The following SGMS1 variants were observed in gnomAD, a reference collection of about 807,000 sequenced individuals.
SGMS1 encodes sphingomyelin synthase 1, also known as phosphatidylcholine:ceramide cholinephosphotransferase 1.
Under a neutral mutation model 46.2 loss-of-function variants are expected in SGMS1, and 13 were observed. The ratio of observed to expected loss-of-function variants is 0.28; its 90% CI spans 0.18 to 0.45. The LOEUF (loss-of-function observed/expected upper bound fraction) is 0.45, where lower values mean the gene tolerates loss of function less well. Among genes scored for constraint, SGMS1 ranks in the 20% least tolerant of loss-of-function variants. The pLI is 1.00. For synonymous variants in SGMS1, 203 were observed against 187.8 expected (o/e 1.08, Z -0.66); for missense variants, 324 against 519.9 (o/e 0.62, Z 3.66).
chr10:50,466,723 AAATT>A (rs1444618694), intron 4 of SGMS1, among the ~76,000 whole-genome samples, 163 bp downstream of exon 4: 1 of 152,186 alleles, frequency 6.6e-6, no homozygotes, highest in Non-Finnish European at 1.5e-5. Context: ...GTACATAACT[AAATT>A]AATTAAATGG....
At chr10:50,471,434 A>G (rs1837377914) in intron 3 of SGMS1, among the ~76,000 whole-genome samples, 1 of 152,208 alleles carries the variant, frequency 6.6e-6, no homozygotes, top group South Asian at 2.1e-4. Flanking sequence ...GCACAACATC[A>G]ACCAACACAA....
intron 3 of SGMS1, among the ~76,000 whole-genome samples, chr10:50,479,333 T>C (rs1355865329): frequency 6.6e-6 from 1 of 152,098 alleles, no homozygotes; most frequent in Non-Finnish European, 1.5e-5. Context: ...CAAGAATCAT[T>C]CATGCACTAA....
chr10:50,551,996 C>G (rs75284498), intron 2 of SGMS1, among the ~76,000 whole-genome samples: 1,648 of 152,280 alleles, frequency 0.011, 26 homozygotes, highest in African/African-American at 0.038. Context: ...ATCCCCTACT[C>G]TGCTATTATA....
intron 6 of SGMS1, among the ~76,000 whole-genome samples, chr10:50,413,670 T>C (rs1326212194): frequency 3.3e-5 from 5 of 152,172 alleles, no homozygotes; most frequent in Non-Finnish European, 1.5e-5. Context: ...ATCAAAAACG[T>C]GTCCAAATAT....
chr10:50,624,991 A>G, upstream of SGMS1: 1 of 1,026,926 alleles, frequency 9.7e-7, no homozygotes, highest in Non-Finnish European at 1.2e-6. Flanking sequence ...CTCGGAACCG[A>G]CCTGGGAGCT....
chr10:50,318,332 C>T (rs1345826947), intron 8 of SGMS1, among the ~76,000 whole-genome samples: 1 of 152,194 alleles, frequency 6.6e-6, no homozygotes, highest in Non-Finnish European at 1.5e-5. Context: ...ATTTTACCAT[C>T]CTAGCCTCAG....
chr10:50,351,898 T>A (rs1848024845), intron 6 of SGMS1, among the ~76,000 whole-genome samples: 1 of 152,172 alleles, frequency 6.6e-6, no homozygotes, highest in Non-Finnish European at 1.5e-5. Flanking sequence ...AGGAAGTATA[T>A]CTTGGTCTTC....
intron 1 of SGMS1, among the ~76,000 whole-genome samples, chr10:50,593,973 G>A (rs1838566743): frequency 6.6e-6 from 1 of 152,206 alleles, no homozygotes; most frequent in South Asian, 2.1e-4. Flanking sequence ...ATATACCTAG[G>A]AGAGGAGAGC....
At chr10:50,547,666 G>A (rs1838112980) in intron 2 of SGMS1, among the ~76,000 whole-genome samples, 1 of 152,054 alleles carries the variant, frequency 6.6e-6, no homozygotes, top group Admixed American at 6.6e-5. Context: ...AACTGAAAAG[G>A]AGGGACGCCT....
chr10:50,375,332 G>A (rs1418969607), intron 6 of SGMS1, among the ~76,000 whole-genome samples: 4 of 152,190 alleles, frequency 2.6e-5, no homozygotes. Flanking sequence ...TGAGCACATG[G>A]ATTTGTAAAA....
chr10:50,451,483 T>C (rs1837108781), intron 5 of SGMS1, among the ~76,000 whole-genome samples: 1 of 152,214 alleles, frequency 6.6e-6, no homozygotes, highest in South Asian at 2.1e-4. Context: ...CTTAATACCA[T>C]AATACATGCT....
intron 3 of SGMS1, among the ~76,000 whole-genome samples, chr10:50,470,718 A>G (rs769354075): frequency 8.5e-5 from 13 of 152,116 alleles, no homozygotes; most frequent in Non-Finnish European, 1.6e-4. Context: ...CCCTTCCTCA[A>G]ATTTTGCCTC....
Position 50,382,295 on chromosome 10 carries a change from G to A in SGMS1, c.-231-37950C>T, listed in dbSNP as rs1003516987. On this transcript the variant is annotated intron_variant, in intron 6 of 10. Transcript: ENST00000361781. ...AGAAGCAATCCCATACAATTGTAAA[G>A]TATCTTCTTGGAAAATGTTCAAGGA... Among the ~76,000 whole-genome samples, 11 of 152,030 alleles carry A rather than the reference G, an allele frequency of 7.2e-5. 1 individual carries two copies. Among genetic ancestry groups the A allele is most frequent in the Admixed American group, 7.2e-4 (11 of 15,252 alleles).
intron 6 of SGMS1, among the ~76,000 whole-genome samples, chr10:50,386,673 G>A (rs1476258058): frequency 6.6e-6 from 1 of 152,134 alleles, no homozygotes; most frequent in African/African-American, 2.4e-5. Flanking sequence ...GAGGATTACT[G>A]AATTTTCAGA....
intron 6 of SGMS1, among the ~76,000 whole-genome samples, chr10:50,382,946 C>G (rs1848628814): frequency 6.6e-6 from 1 of 152,022 alleles, no homozygotes; most frequent in Non-Finnish European, 1.5e-5. Context: ...ACATGTAAAT[C>G]AAAATAACAA....
At chr10:50,355,112 T>C (rs1848118242) in intron 6 of SGMS1, among the ~76,000 whole-genome samples, 1 of 152,248 alleles carries the variant, frequency 6.6e-6, no homozygotes, top group African/African-American at 2.4e-5. Context: ...CAAAGGATTA[T>C]AAGTCATGCT....
intron 6 of SGMS1, among the ~76,000 whole-genome samples, chr10:50,418,865 C>T (rs1208837108): frequency 6.6e-6 from 1 of 152,182 alleles, no homozygotes; most frequent in African/African-American, 2.4e-5. Context: ...TTACAGATTA[C>T]AACAGTCCCC....
chr10:50,605,906 T>G (rs971505466), intron 1 of SGMS1, among the ~76,000 whole-genome samples: 3 of 152,186 alleles, frequency 2.0e-5, no homozygotes, highest in African/African-American at 7.2e-5. Context: ...CTTCAACCCC[T>G]TCACCCTTCT....
intron 6 of SGMS1, among the ~76,000 whole-genome samples, chr10:50,399,844 C>A (rs550851346): frequency 6.6e-6 from 1 of 151,850 alleles, no homozygotes; most frequent in Admixed American, 6.6e-5. Context: ...CTGGCTAACA[C>A]GGTGAAACCC....
Sources: allele counts gnomAD v4.1 joint callset (sites outside exome capture counted in the v4.1 genomes callset), GRCh38; gene constraint gnomAD v4.1.1; transcripts MANE v1.5; gene names NCBI Gene and HGNC (gene_info 2026-07-23, HGNC 2026-07-21).